The following SETMAR variants were observed in gnomAD, a reference collection of about 807,000 sequenced individuals.
The protein encoded by SETMAR is histone-lysine N-methyltransferase SETMAR.
Under a neutral mutation model 58.4 loss-of-function variants are expected in SETMAR, and 44 were observed. The ratio of observed to expected loss-of-function variants is 0.75; its 90% CI spans 0.59 to 0.97. The LOEUF is 0.97. Among genes scored for constraint, SETMAR ranks in the 50% least tolerant of loss-of-function variants. The pLI is 0.00. For synonymous variants in SETMAR, 332 were observed against 307.4 expected, an observed-to-expected ratio of 1.08 and a Z score of -0.84; for missense variants, 903 against 840.2, an observed-to-expected ratio of 1.07 and a Z score of -0.92.
At chr3:4,305,035 C>T (rs1039713126) in intron 1 of SETMAR, among the ~76,000 whole-genome samples, 5 of 152,054 alleles carry the variant, frequency 3.3e-5, no homozygotes, top group Non-Finnish European at 5.9e-5. Flanking sequence ...TTCTGGTTAA[C>T]AATTGGTTGA....
At chr3:4,315,899 T>A (rs1274802808) in intron 2 of SETMAR, among the ~76,000 whole-genome samples, 1 of 151,582 alleles carries the variant, frequency 6.6e-6, no homozygotes, top group Non-Finnish European at 1.5e-5. Flanking sequence ...ATACAAAAAT[T>A]AGTTAGATGT....
In SETMAR at chr3:4,313,426, A is replaced by G. The variant is rs776319334; in HGVS notation, c.685A>G (p.Asn229Asp). ...GRFLNHSCEP[N>D]LLMIPVRIDS... ...ATTCCTTAATCATTCTTGTGAGCCA[A>G]ACCTTTTGATGATTCCTGTCCGAAT... The change falls in exon 2 of 3, where the codon AAC becomes GAC. Residue 229 changes from asparagine to aspartate, a missense_variant. Asn to Asp is a conservative substitution (Grantham distance 23). Coordinates refer to ENST00000358065, the MANE Select transcript of SETMAR (RefSeq NM_006515.4). The G allele has an allele frequency of 6.2e-7, 1 of 1,614,062 alleles. No homozygotes were observed. The highest frequency in any genetic ancestry group is 8.5e-7 in the Non-Finnish European group (1 of 1,180,016).
intron 1 of SETMAR, among the ~76,000 whole-genome samples, chr3:4,307,630 A>G (rs888017065): frequency 2.0e-5 from 3 of 152,334 alleles, no homozygotes; most frequent in South Asian, 2.1e-4. Context: ...GATTTCCAGT[A>G]TATCATTTTG....
Position 4,313,766 on chromosome 3 carries a change from G to T in SETMAR, c.1020+5G>T, listed in dbSNP as rs145244472. The stretch of plus-strand genomic sequence containing the variant: ...TGCAAGCGATTGACCCTTGAGGTGA[G>T]TCTGTTCAGTGATAAGCAGCTTGCC... On this transcript the variant is annotated splice_donor_5th_base_variant and intron_variant, in intron 2 of 2. Transcript: ENST00000358065. 2.5e-4 allele frequency: 406 copies of T among 1,614,006 alleles called. No individual in the cohort carries two copies. In the East Asian group the frequency reaches 7.1e-3, roughly 28 times the overall value.
At chr3:4,312,812 G>A in intron 1 of SETMAR, 86 bp from the exon 2 acceptor site, 1 of 1,474,316 alleles carries the variant, frequency 6.8e-7, no homozygotes, top group Non-Finnish European at 9.1e-7. Flanking sequence ...GTTAGAATTA[G>A]AATGGGTCCC....
At chr3:4,315,919 T>C (rs1340838497) in intron 2 of SETMAR, among the ~76,000 whole-genome samples, 3 of 151,762 alleles carry the variant, frequency 2.0e-5, no homozygotes, top group Non-Finnish European at 2.9e-5. Context: ...TGGTGGCACA[T>C]GTCTGTAGTC....
intron 1 of SETMAR, chr3:4,303,827 G>C (rs889469897): frequency 2.2e-6 from 3 of 1,362,224 alleles, no homozygotes; most frequent in South Asian, 1.2e-5. Flanking sequence ...AGGCATCACG[G>C]GGGGAGTCAT....
intron 1 of SETMAR, 47 bp downstream of exon 1, chr3:4,303,573 C>T (rs752129485): frequency 5.2e-6 from 7 of 1,346,358 alleles, no homozygotes; most frequent in Middle Eastern, 2.8e-4. Context: ...GCGGCTCCCC[C>T]ACGTGGTCTC....
intron 2 of SETMAR, 22 bp downstream of exon 2, chr3:4,313,783 C>T: frequency 1.2e-6 from 2 of 1,613,660 alleles, no homozygotes; most frequent in Non-Finnish European, 1.7e-6. Context: ...CAGTGATAAG[C>T]AGCTTGCCCC....
Position 4,312,893 on chromosome 3 carries a change from T to C in SETMAR, c.157-5T>C, listed in dbSNP as rs763305721. The C allele has an allele frequency of 1.2e-6, 2 of 1,601,716 alleles. No homozygotes were observed. The highest frequency in any genetic ancestry group is 1.7e-5 in the Admixed American group (1 of 58,248). ...GCTGACTTACAGTGTGTATATTTTT[T>C]ACAGTACACTCCTGATCATGTAGTT... On this transcript the variant is annotated splice_region_variant and splice_polypyrimidine_tract_variant and intron_variant, in intron 1 of 2. Coordinates refer to ENST00000358065, the MANE Select transcript of SETMAR (RefSeq NM_006515.4).
chr3:4,316,350 C>G lies in SETMAR; in HGVS notation c.1159C>G (p.Gln387Glu). The change falls in exon 3 of 3, where the codon CAG becomes GAG. Residue 387 changes from glutamine (Q) to glutamate (E), a missense_variant. By Grantham distance (29) the Gln-to-Glu change is conservative. Transcript: ENST00000358065. ...AGGAACTGCTAACGAACGTACAGTG[C>G]AGTGGTGGTTCAAGAAGTTTTGCAA... ...GPGTANERTV[Q>E]WWFKKFCKGD... 5.4e-6 allele frequency: 8 copies of G among 1,478,654 alleles called. No individual in the cohort carries two copies. Among genetic ancestry groups the G allele is most frequent in the Non-Finnish European group, 7.4e-6 (8 of 1,087,234 alleles). 91.6% of individuals were successfully genotyped at this position (1,478,654 alleles called of 1,614,324 possible).
At chr3:4,304,998 G>GATTTTA (rs1698129950) in intron 1 of SETMAR, among the ~76,000 whole-genome samples, 1 of 152,110 alleles carries the variant, frequency 6.6e-6, no homozygotes, top group Non-Finnish European at 1.5e-5. Context: ...ACTATAGGTA[G>GATTTTA]ATTTTAATTT....
intron 1 of SETMAR, among the ~76,000 whole-genome samples, chr3:4,310,998 G>T (rs562071225): frequency 6.6e-6 from 1 of 152,234 alleles, no homozygotes; most frequent in Non-Finnish European, 1.5e-5. Flanking sequence ...GAGTTTGACT[G>T]ATAGAGCATC....
rs1279382292 is a variant in SETMAR at position 4,316,862 on chromosome 3, G to C, written c.1671G>C (p.Glu557Asp). 1 of 1,549,666 alleles carries C rather than the reference G, an allele frequency of 6.5e-7. No individual in the cohort carries two copies. Among genetic ancestry groups the C allele is most frequent in the East Asian group, 2.4e-5 (1 of 40,910 alleles). ...FLNPGETITS[E>D]KYAQEIDEMN... is the part of the protein sequence containing the mutation. ...ATCCCGGTGAAACCATTACATCTGA[G>C]AAGTATGCTCAGGAAATCGATGAGA... The change falls in exon 3 of 3, where the codon GAG becomes GAC. Residue 557 changes from glutamate to aspartate, a missense_variant. Coordinates refer to ENST00000358065, the MANE Select transcript of SETMAR (RefSeq NM_006515.4).
At chr3:4,306,303 A>C (rs1698188201) in intron 1 of SETMAR, among the ~76,000 whole-genome samples, 1 of 152,202 alleles carries the variant, frequency 6.6e-6, no homozygotes, top group Admixed American at 6.5e-5. Flanking sequence ...AAATTATATA[A>C]GTATCTCCCT....
At chr3:4,314,990 A>T (rs1025215509) in intron 2 of SETMAR, among the ~76,000 whole-genome samples, 10 of 152,216 alleles carry the variant, frequency 6.6e-5, no homozygotes, top group African/African-American at 2.4e-4. Flanking sequence ...TGAAATATAC[A>T]GCGTGTGAAT....
intron 1 of SETMAR, among the ~76,000 whole-genome samples, chr3:4,309,963 G>A (rs1438164319): frequency 6.6e-6 from 1 of 152,138 alleles, no homozygotes; most frequent in Non-Finnish European, 1.5e-5. Context: ...AAACCTAGAT[G>A]GTATAGCCTA....
chr3:4,317,079 C>G lies in SETMAR; in HGVS notation c.1888C>G (p.Leu630Val). Residue 630 changes from leucine to valine, a missense_variant, in exon 3 of 3, where the codon CTC becomes GTC. By Grantham distance (32) the Leu-to-Val change is conservative (BLOSUM62 1). Coordinates refer to ENST00000358065, the MANE Select transcript of SETMAR (RefSeq NM_006515.4). ...LPTNYHVFKHLNNFLQGKRFH... is the reference protein window; with the variant it reads ...LPTNYHVFKHVNNFLQGKRFH... ...AACCAACTACCACGTCTTTAAGCAT[C>G]TCAACAACTTTTTGCAGGGAAAACG... 6.5e-7 allele frequency: 1 copy of G among 1,549,138 alleles called. No individual in the cohort carries two copies. The highest frequency in any genetic ancestry group is 8.7e-7 in the Non-Finnish European group (1 of 1,146,532).
intron 1 of SETMAR, among the ~76,000 whole-genome samples, chr3:4,309,239 G>T (rs1698311154): frequency 6.6e-6 from 1 of 152,180 alleles, no homozygotes; most frequent in Non-Finnish European, 1.5e-5. Context: ...TAAAGAGTCT[G>T]TTCTATCAGT....
Sources: allele counts gnomAD v4.1 joint callset (sites outside exome capture counted in the v4.1 genomes callset), GRCh38; gene constraint gnomAD v4.1.1; transcripts MANE v1.5; gene names NCBI Gene and HGNC (gene_info 2026-07-23, HGNC 2026-07-21).